TMPRSS15: variants seen among roughly 807,000 people sequenced by gnomAD.
The protein encoded by TMPRSS15 is enteropeptidase.
TMPRSS15 carries 128 observed loss-of-function variants against 125.3 expected under a neutral mutation model. That is an observed-to-expected ratio of 1.02 (90% CI 0.89 to 1.18). The LOEUF is 1.18. Ranked by LOEUF, TMPRSS15 falls within the 50% of genes most tolerant of loss-of-function variation. The pLI, the probability that TMPRSS15 is intolerant of heterozygous loss-of-function variation, is 0.00. For synonymous variants in TMPRSS15, 446 were observed against 423.2 expected, an observed-to-expected ratio of 1.05 and a Z score of -0.66; for missense variants, 1,283 against 1,212.7, an observed-to-expected ratio of 1.06 and a Z score of -0.86.
intron 1 of TMPRSS15, among the ~76,000 whole-genome samples, chr21:18,437,637 C>A (rs965879187): frequency 6.6e-6 from 1 of 151,444 alleles, no homozygotes; most frequent in African/African-American, 2.4e-5. Flanking sequence ...AAGAAAAAAA[C>A]AAACAACCCC....
chr21:18,299,759 C>T (rs968878648), intron 18 of TMPRSS15, among the ~76,000 whole-genome samples: 1 of 152,178 alleles, frequency 6.6e-6, no homozygotes, highest in African/African-American at 2.4e-5. Context: ...TCCAGACAAG[C>T]AGCACCAGCC....
intron 3 of TMPRSS15, among the ~76,000 whole-genome samples, chr21:18,395,046 C>T (rs564423073): frequency 1.6e-4 from 24 of 152,158 alleles, no homozygotes; most frequent in South Asian, 8.3e-4. Context: ...ATAAAGTTAA[C>T]GAACACTTTA....
intron 6 of TMPRSS15, among the ~76,000 whole-genome samples, chr21:18,369,260 C>T (rs1006593744): frequency 6.6e-6 from 1 of 152,158 alleles, no homozygotes; most frequent in African/African-American, 2.4e-5. Context: ...TGTCTTTGCT[C>T]ATGGCATTCA....
At position 18,481,683 on chromosome 21, in the gene TMPRSS15, A is replaced by G. The variant is rs370083840; in HGVS notation, c.10+4116T>C. Among the ~76,000 whole-genome samples, 1,431 of 151,778 alleles carry G rather than the reference A, an allele frequency of 9.4e-3. 16 individuals are homozygous for G. The highest frequency in any genetic ancestry group is 0.057 in the South Asian group (273 of 4,822). On this transcript the variant is annotated intron_variant, in intron 1 of 7. Transcript: ENST00000422787. ...AGCCACATGTGCAGTTCTATTAGTA[A>G]AACTCTCTCTCTTACTAAGGAGTAA...
At chr21:18,334,666 A>C (rs2075374988) in intron 13 of TMPRSS15, among the ~76,000 whole-genome samples, 1 of 152,154 alleles carries the variant, frequency 6.6e-6, no homozygotes, top group Non-Finnish European at 1.5e-5. Flanking sequence ...AAAATCTGAG[A>C]ATTACAGATA....
At chr21:18,434,628 T>G (rs1167730231) in intron 1 of TMPRSS15, among the ~76,000 whole-genome samples, 1 of 152,092 alleles carries the variant, frequency 6.6e-6, no homozygotes, top group Non-Finnish European at 1.5e-5. Context: ...GGAACATAAC[T>G]GCTTTGTAAG....
intron 1 of TMPRSS15, among the ~76,000 whole-genome samples, chr21:18,470,009 C>T (rs1452149770): frequency 1.4e-4 from 22 of 151,934 alleles, no homozygotes; most frequent in Non-Finnish European, 2.6e-4. Flanking sequence ...ATATATTTTG[C>T]ATTGTTATTT....
chr21:18,407,321 C>G (rs2076154417), upstream of TMPRSS15, among the ~76,000 whole-genome samples: 1 of 151,452 alleles, frequency 6.6e-6, no homozygotes, highest in Non-Finnish European at 1.5e-5. Context: ...AAAAATAGAT[C>G]AAAAGTTAAA....
chr21:18,393,108 C>A (rs1448401622), intron 3 of TMPRSS15, among the ~76,000 whole-genome samples: 1 of 152,002 alleles, frequency 6.6e-6, no homozygotes, highest in Non-Finnish European at 1.5e-5. Flanking sequence ...AACGCTGTGT[C>A]GAGTTGGGGA....
At chr21:18,292,064 C>A (rs2074843198) in intron 21 of TMPRSS15, among the ~76,000 whole-genome samples, 1 of 152,162 alleles carries the variant, frequency 6.6e-6, no homozygotes, top group Admixed American at 6.5e-5. Flanking sequence ...CACATTCCTA[C>A]AATGGAAAGT....
At chr21:18,365,645 TCCTCCCTTCCTTCCTTCCTTCC>T (rs1489569562) in intron 6 of TMPRSS15, among the ~76,000 whole-genome samples, 5 of 102,852 alleles carry the variant, frequency 4.9e-5, no homozygotes, top group African/African-American at 2.0e-4. Flanking sequence ...TCTCTCTTTT[TCCTCCCTTCCTTCCTTCCTTCC>T]TTCCTTCCTT....
chr21:18,372,370 C>G lies in TMPRSS15; in HGVS notation c.533-46G>C, dbSNP rs201064987. On this transcript the variant is annotated intron_variant, in intron 5 of 24. Coordinates refer to ENST00000284885, the MANE Select transcript of TMPRSS15 (RefSeq NM_002772.3). ...TAATTTCCAATTGATGAGATATGTA[C>G]AATGTTTAAATATTTAATAGGCCTT... The G allele has an allele frequency of 4.8e-5, 76 of 1,589,250 alleles. 1 individual carries two copies. The East Asian group carries it at 1.7e-3, about 36-fold the overall frequency.
intron 14 of TMPRSS15, among the ~76,000 whole-genome samples, chr21:18,330,769 T>C (rs1005556951): frequency 2.4e-4 from 36 of 152,264 alleles, no homozygotes; most frequent in African/African-American, 8.4e-4. Flanking sequence ...TTTGTTCAAA[T>C]GATGTTTAAA....
intron 1 of TMPRSS15, among the ~76,000 whole-genome samples, chr21:18,462,150 C>A (rs1470695207): frequency 6.6e-6 from 1 of 152,056 alleles, no homozygotes; most frequent in African/African-American, 2.4e-5. Context: ...TGAGAAGAGA[C>A]AAACTCTTAG....
chr21:18,419,857 C>T (rs1342446861), intron 1 of TMPRSS15, among the ~76,000 whole-genome samples: 1 of 152,088 alleles, frequency 6.6e-6, no homozygotes, highest in East Asian at 1.9e-4. Context: ...TTTTTTCCCC[C>T]TTCTACCATG....
At chr21:18,444,508 T>G (rs2077404828) in intron 1 of TMPRSS15, among the ~76,000 whole-genome samples, 1 of 151,974 alleles carries the variant, frequency 6.6e-6, no homozygotes, top group Non-Finnish European at 1.5e-5. Flanking sequence ...GGGGGAGGGA[T>G]AGCATTAAGA....
chr21:18,319,483 C>T (rs911231183), intron 16 of TMPRSS15, among the ~76,000 whole-genome samples: 6 of 132,226 alleles, frequency 4.5e-5, no homozygotes, highest in Middle Eastern at 5.7e-3. Flanking sequence ...GGCTGGAGTA[C>T]AATGGCGCCA....
chr21:18,374,903 T>C (rs762528679), intron 5 of TMPRSS15, among the ~76,000 whole-genome samples: 12 of 152,090 alleles, frequency 7.9e-5, no homozygotes, highest in Middle Eastern at 3.4e-3. Flanking sequence ...TTAGTGGAGG[T>C]GAAGAATGGG....
At chr21:18,319,709 G>C (rs1005216271) in intron 16 of TMPRSS15, among the ~76,000 whole-genome samples, 1 of 152,282 alleles carries the variant, frequency 6.6e-6, no homozygotes, top group Non-Finnish European at 1.5e-5. Flanking sequence ...GATTACAGGC[G>C]TGAGCCACCG....
Sources: allele counts gnomAD v4.1 joint callset (sites outside exome capture counted in the v4.1 genomes callset), GRCh38; gene constraint gnomAD v4.1.1; transcripts MANE v1.5; gene names NCBI Gene and HGNC (gene_info 2026-07-23, HGNC 2026-07-21).